The following USP10 variants were observed in gnomAD, a reference collection of about 807,000 sequenced individuals.
USP10 encodes the protein ubiquitin specific peptidase 10, also known as ubiquitin carboxyl-terminal hydrolase 10.
In USP10, 22 loss-of-function variants were observed where a neutral mutation model predicts 84.5. That is an observed-to-expected ratio of 0.26 (90% CI 0.19 to 0.37). USP10 has a LOEUF of 0.37. USP10 is among the 10% of genes least tolerant of loss of function. The pLI, the probability that USP10 is intolerant of heterozygous loss-of-function variation, is 1.00. For missense variants in USP10, 1,019 were observed against 998.9 expected (o/e 1.02, Z -0.27); for synonymous variants, 454 against 387.6 (o/e 1.17, Z -2.01).
intron 1 of USP10, 47 bp downstream of exon 1, chr16:84,700,158 G>T (rs1434030332): frequency 8.2e-7 from 1 of 1,220,474 alleles, no homozygotes; most frequent in Admixed American, 4.6e-5. Context: ...CGAGCCCCGG[G>T]CGGGCGGACG....
intron 2 of USP10, among the ~76,000 whole-genome samples, chr16:84,739,365 A>G (rs1474317710): frequency 6.6e-6 from 1 of 151,574 alleles, no homozygotes; most frequent in Non-Finnish European, 1.5e-5. Context: ...TCCATCCCCC[A>G]GGTTCAAACG....
chr16:84,770,750 C>T lies in USP10; in HGVS notation c.1999-1791C>T, dbSNP rs534942008. 5.2e-5 allele frequency among the ~76,000 whole-genome samples: 7 copies of T among 134,474 alleles called. No individual in the cohort carries two copies. In the East Asian group the frequency reaches 1.3e-3, roughly 25 times the overall value. The allele number at this position is 134,474 out of a possible 152,430, so 88.2% of individuals were successfully genotyped here. A position where few individuals can be genotyped will look rare whatever the true frequency, so the allele number is the denominator to read the frequency against. On this transcript the variant is annotated intron_variant, in intron 11 of 13. Transcript: ENST00000219473. Reference sequence around the variant, plus strand: ...TAGCGCCACTGCAGTCCGGCCTGGGCGACAGAGCGAGACTCCGTCCCCAAA... The same window carrying T: ...TAGCGCCACTGCAGTCCGGCCTGGGTGACAGAGCGAGACTCCGTCCCCAAA...
chr16:84,748,385 C>CCTT (rs755309062), intron 4 of USP10, among the ~76,000 whole-genome samples: 23 of 151,922 alleles, frequency 1.5e-4, no homozygotes, highest in Admixed American at 3.9e-4. Context: ...CTCACTGCAA[C>CCTT]CTTCTCCTCC....
At chr16:84,732,861 C>T (rs1453998778) in intron 1 of USP10, among the ~76,000 whole-genome samples, 7 of 152,118 alleles carry the variant, frequency 4.6e-5, no homozygotes, top group South Asian at 2.1e-4. Context: ...TTCTGAATTC[C>T]GTGAAATCAG....
intron 4 of USP10, among the ~76,000 whole-genome samples, chr16:84,748,405 G>T (rs918272158): frequency 4.0e-5 from 6 of 151,858 alleles, no homozygotes; most frequent in Non-Finnish European, 2.9e-5. Context: ...CTGGGTTCAG[G>T]CAATTCTCCT....
At chr16:84,758,355 C>T (rs1016439596) in intron 4 of USP10, among the ~76,000 whole-genome samples, 1 of 152,138 alleles carries the variant, frequency 6.6e-6, no homozygotes, top group Admixed American at 6.6e-5. Context: ...TGAGACACAC[C>T]TGGCTAATGG....
chr16:84,772,286 G>A (rs1335771161), intron 11 of USP10, among the ~76,000 whole-genome samples: 1 of 152,126 alleles, frequency 6.6e-6, no homozygotes, highest in Non-Finnish European at 1.5e-5. Context: ...CTTGACCTCA[G>A]GTGATCCGCC....
At chr16:84,735,693 G>T (rs777148356) in intron 2 of USP10, among the ~76,000 whole-genome samples, 3 of 152,170 alleles carry the variant, frequency 2.0e-5, no homozygotes, top group Admixed American at 6.5e-5. Flanking sequence ...CACAGAAGAC[G>T]TGACTGTGTC....
intron 2 of USP10, among the ~76,000 whole-genome samples, chr16:84,737,266 A>C (rs1910058794): frequency 6.6e-6 from 1 of 152,234 alleles, no homozygotes; most frequent in South Asian, 2.1e-4. Context: ...CTGTGCGTTT[A>C]GCATAACTAT....
chr16:84,778,899 C>A lies in USP10; in HGVS notation c.2214C>A (p.Val738=). The A allele has an allele frequency of 6.2e-7, 1 of 1,612,990 alleles. No homozygotes were observed. The highest frequency in any genetic ancestry group is 1.1e-5 in the South Asian group (1 of 90,878). Residue 738 remains valine (V), a synonymous_variant, in exon 14 of 14, where the codon GTC becomes GTA. Transcript: ENST00000219473. ...CHRTYRLFAV[V]YHHGNSATGG... is the part of the protein sequence containing the mutation. ...GCCTGCTGGGCTCTCTTCCAGTGGT[C>A]TACCATCACGGCAACAGTGCGACGG...
intron 8 of USP10, among the ~76,000 whole-genome samples, chr16:84,761,993 G>A (rs562113559): frequency 2.7e-4 from 41 of 152,370 alleles, no homozygotes; most frequent in African/African-American, 8.7e-4. Context: ...AGTAAACTTT[G>A]CAGTTTACCT....
intron 10 of USP10, among the ~76,000 whole-genome samples, chr16:84,767,985 C>T (rs143767049): frequency 2.6e-5 from 4 of 151,986 alleles, no homozygotes; most frequent in South Asian, 2.1e-4. Flanking sequence ...TGACTCTTAA[C>T]GAGCATGCTG....
chr16:84,740,802 C>G (rs1414328855), intron 3 of USP10, among the ~76,000 whole-genome samples: 3 of 152,236 alleles, frequency 2.0e-5, no homozygotes, highest in African/African-American at 7.2e-5. Flanking sequence ...ACATTCATGT[C>G]CTGGTCTGTC....
chr16:84,731,367 A>G (rs1252372537), intron 1 of USP10, among the ~76,000 whole-genome samples: 3 of 151,498 alleles, frequency 2.0e-5, no homozygotes, highest in Non-Finnish European at 2.9e-5. Context: ...TCTACTATTG[A>G]TATTAAACAA....
intron 2 of USP10, among the ~76,000 whole-genome samples, chr16:84,734,260 G>T (rs906304041): frequency 1.5e-5 from 2 of 137,658 alleles, no homozygotes; most frequent in African/African-American, 5.5e-5. Context: ...TTTCTTGCTC[G>T]TATTAAAAAA....
intron 4 of USP10, among the ~76,000 whole-genome samples, chr16:84,747,062 C>G (rs1468732296): frequency 6.6e-6 from 1 of 152,300 alleles, no homozygotes; most frequent in Middle Eastern, 3.4e-3. Context: ...GTTTCAGTTC[C>G]ACTAGAATCT....
intron 10 of USP10, among the ~76,000 whole-genome samples, chr16:84,766,261 T>G (rs536442245): frequency 6.6e-6 from 1 of 152,368 alleles, no homozygotes; most frequent in Admixed American, 6.5e-5. Flanking sequence ...CATGTGACCT[T>G]GAACAAGTCA....
At chr16:84,730,124 G>A (rs564558114) in intron 1 of USP10, among the ~76,000 whole-genome samples, 1 of 152,234 alleles carries the variant, frequency 6.6e-6, no homozygotes, top group African/African-American at 2.4e-5. Flanking sequence ...ACTCCTGTCT[G>A]CGTCCACTCA....
chr16:84,735,736 AGT>A (rs1177032234), intron 2 of USP10, among the ~76,000 whole-genome samples: 1 of 152,108 alleles, frequency 6.6e-6, no homozygotes, highest in Non-Finnish European at 1.5e-5. Flanking sequence ...CAGAACTCGT[AGT>A]GTGTGTGGGC....
Sources: gnomAD v4.1 joint callset for allele counts (sites outside exome capture counted in the v4.1 genomes callset) on GRCh38, gnomAD v4.1.1 for gene constraint, MANE v1.5 for transcripts, NCBI Gene and HGNC (gene_info 2026-07-23, HGNC 2026-07-21) for gene names.